Variants in SEC24A observed in about 807,000 individuals in gnomAD.
The protein encoded by SEC24A is SEC24 homolog A, COPII component.
SEC24A carries 93 observed loss-of-function variants against 129.4 expected under a neutral mutation model. The ratio of observed to expected loss-of-function variants is 0.72; its 90% CI spans 0.61 to 0.85. SEC24A has a LOEUF of 0.85. SEC24A is among the 40% of genes least tolerant of loss of function. The pLI is 0.00. For synonymous variants in SEC24A, 460 were observed against 467.3 expected, an observed-to-expected ratio of 0.98 and a Z score of 0.20; for missense variants, 1,264 against 1,307.4, an observed-to-expected ratio of 0.97 and a Z score of 0.51.
chr5:134,712,926 A>AAT (rs1752371561), intron 18 of SEC24A, among the ~76,000 whole-genome samples: 3 of 102,744 alleles, frequency 2.9e-5, no homozygotes, highest in Admixed American at 1.1e-4. Flanking sequence ...AAATATTTAA[A>AAT]TTTTTTTTTT....
chr5:134,685,386 T>C (rs1054042022), intron 9 of SEC24A, among the ~76,000 whole-genome samples: 4 of 147,988 alleles, frequency 2.7e-5, no homozygotes, highest in African/African-American at 9.8e-5. Flanking sequence ...AAAATAATAA[T>C]ACAAATTTTA....
chr5:134,667,494 C>CA (rs1561806510), intron 3 of SEC24A, among the ~76,000 whole-genome samples: 2 of 150,906 alleles, frequency 1.3e-5, no homozygotes, highest in African/African-American at 4.9e-5. Flanking sequence ...ACTAAAAATA[C>CA]AAAAAAATTA....
intron 18 of SEC24A, among the ~76,000 whole-genome samples, chr5:134,710,441 T>C (rs1752291080): frequency 6.6e-6 from 1 of 152,008 alleles, no homozygotes; most frequent in Admixed American, 6.6e-5. Flanking sequence ...CCATATTGGT[T>C]AGGCTGGTTT....
chr5:134,717,344 A>G (rs1235963038), intron 19 of SEC24A, among the ~76,000 whole-genome samples: 1 of 151,718 alleles, frequency 6.6e-6, no homozygotes, highest in Non-Finnish European at 1.5e-5. Flanking sequence ...CTTCTCTACT[A>G]AAAATACAAA....
At chr5:134,693,549 A>G (rs1751728029) in intron 12 of SEC24A, 178 bp from the exon 13 acceptor site, 1 of 1,429,156 alleles carries the variant, frequency 7.0e-7, no homozygotes, top group Non-Finnish European at 9.1e-7. Flanking sequence ...TTGCTTGCCA[A>G]TTTATAATGT....
In SEC24A at chr5:134,725,753, A is replaced by T. The variant is rs1222564442; in HGVS notation, c.*659A>T. 1 of 152,534 alleles carries T rather than the reference A, an allele frequency of 6.6e-6. No individual in the cohort carries two copies. Among genetic ancestry groups the T allele is most frequent in the Non-Finnish European group, 1.5e-5 (1 of 67,970 alleles). The allele number at this position is 152,534 out of a possible 1,614,324, so 9.4% of individuals were successfully genotyped here. A position where few individuals can be genotyped will look rare whatever the true frequency, so the allele number is the denominator to read the frequency against. ...CAAAGTCACTTTGATTTGAAGTGAG[A>T]ACTATCATTAGGTGGTTTTCTGATT... On this transcript the variant is annotated 3_prime_UTR_variant, in exon 23 of 23. Transcript: ENST00000398844.
At chr5:134,693,365 G>T in intron 12 of SEC24A, 2 of 1,359,858 alleles carry the variant, frequency 1.5e-6, no homozygotes, top group Admixed American at 3.2e-5. Context: ...AGCTAAACTC[G>T]CTTTGGAACT....
At chr5:134,713,654 T>C (rs550028436) in intron 18 of SEC24A, among the ~76,000 whole-genome samples, 93 of 152,218 alleles carry the variant, frequency 6.1e-4, no homozygotes, top group Middle Eastern at 3.4e-3. Context: ...ATATAGTCAG[T>C]GTACTTGTTT....
chr5:134,711,382 G>A (rs1752320091), intron 18 of SEC24A, among the ~76,000 whole-genome samples: 1 of 151,654 alleles, frequency 6.6e-6, no homozygotes, highest in South Asian at 2.1e-4. Context: ...TTCCAGAACT[G>A]TTCAAGGACT....
rs1752792664 is a variant in SEC24A at position 134,727,884 on chromosome 5, C to T, written c.*2790C>T. On this transcript the variant is annotated 3_prime_UTR_variant, in exon 23 of 23. Coordinates refer to ENST00000398844, the MANE Select transcript of SEC24A (RefSeq NM_021982.3). ...ATGCTAACTTATCAACTTGGCTATT[C>T]AATAAAGTTAATTGAAAAGAGCTTA... The T allele has an allele frequency of 6.6e-6, 1 of 151,756 alleles. No homozygotes were observed. The highest frequency in any genetic ancestry group is 1.5e-5 in the Non-Finnish European group (1 of 67,930). The allele number at this position is 151,756 out of a possible 1,614,324, so 9.4% of individuals were successfully genotyped here.
At chr5:134,696,475 AAAAC>A (rs1209479154) in intron 13 of SEC24A, among the ~76,000 whole-genome samples, 1 of 152,102 alleles carries the variant, frequency 6.6e-6, no homozygotes, top group Non-Finnish European at 1.5e-5. Flanking sequence ...TAAAGGGAAA[AAAAC>A]CTACAGAAAA....
chr5:134,671,903 G>GTTT lies in SEC24A; in HGVS notation c.817+25_817+27dup. On this transcript the variant is annotated intron_variant, in intron 4 of 22. Transcript: ENST00000398844. ...GCTTATTGGGTGAGATGCTATGAAA[G>GTTT]TTTTTTTTTTAATCTCTTTTTTCTG... 4 of 1,422,454 alleles carry GTTT rather than the reference G, an allele frequency of 2.8e-6. No homozygotes were observed. The highest frequency in any genetic ancestry group is 1.9e-5 in the Admixed American group (1 of 51,298). 88.1% of individuals were successfully genotyped at this position (1,422,454 alleles called of 1,614,324 possible). A position where few individuals can be genotyped will look rare whatever the true frequency, so the allele number is the denominator to read the frequency against.
rs1036156871 is a variant in SEC24A, at chr5:134,708,912, T to C, written c.2727+24T>C. 4 of 1,605,418 alleles carry C rather than the reference T, an allele frequency of 2.5e-6. No homozygotes were observed. In the East Asian group the frequency reaches 8.9e-5, roughly 36 times the overall value. Reference sequence around the variant, plus strand: ...AGGTAAGAAAAACAGATATAGAAACTAACACAATGATGGCCAGGCACTGTG... The same window carrying C: ...AGGTAAGAAAAACAGATATAGAAACCAACACAATGATGGCCAGGCACTGTG... On this transcript the variant is annotated intron_variant, in intron 18 of 22. Transcript: ENST00000398844.
At chr5:134,655,216 G>A (rs1750198456) in intron 1 of SEC24A, among the ~76,000 whole-genome samples, 1 of 152,286 alleles carries the variant, frequency 6.6e-6, no homozygotes, top group African/African-American at 2.4e-5. Context: ...TGGGACCTGG[G>A]ATCTCAATTT....
intron 13 of SEC24A, 85 bp from the exon 14 acceptor site, chr5:134,697,041 A>C (rs1751847358): frequency 1.4e-6 from 1 of 739,330 alleles, no homozygotes; most frequent in Non-Finnish European, 2.1e-6. Context: ...TGTTGTTAAC[A>C]TCATGATGTA....
chr5:134,673,450 GTTGTTTTTGTTT>G (rs370663734), intron 4 of SEC24A, among the ~76,000 whole-genome samples: 177 of 152,062 alleles, frequency 1.2e-3, no homozygotes, highest in African/African-American at 2.7e-3. Context: ...CTTTTGTTTT[GTTGTTTTTGTTT>G]TTGTTTTTGT....
At chr5:134,676,937 C>T (rs1751087360) in intron 7 of SEC24A, among the ~76,000 whole-genome samples, 1 of 152,002 alleles carries the variant, frequency 6.6e-6, no homozygotes, top group South Asian at 2.1e-4. Context: ...CTGGAAAATT[C>T]AAAAAGTACT....
intron 15 of SEC24A, 54 bp from the exon 16 acceptor site, chr5:134,703,705 A>G: frequency 8.6e-7 from 1 of 1,160,428 alleles, no homozygotes. Context: ...GATAAAATGT[A>G]AATATCAGTA....
chr5:134,701,462 C>CCTTATTTT (rs1324791283), intron 15 of SEC24A, among the ~76,000 whole-genome samples: 1 of 151,606 alleles, frequency 6.6e-6, no homozygotes, highest in East Asian at 1.9e-4. Flanking sequence ...TTTATATGTA[C>CCTTATTTT]CTTATTTTGC....
Sources: gnomAD v4.1 joint callset for allele counts (sites outside exome capture counted in the v4.1 genomes callset) on GRCh38, gnomAD v4.1.1 for gene constraint, MANE v1.5 for transcripts, NCBI Gene and HGNC (gene_info 2026-07-23, HGNC 2026-07-21) for gene names.